The following SUCLG2 variants were observed in gnomAD, a reference collection of about 807,000 sequenced individuals.
SUCLG2 encodes the protein succinate--CoA ligase [GDP-forming] subunit beta, mitochondrial.
A neutral mutation model predicts 47.9 loss-of-function variants in SUCLG2; 42 were observed. That is an observed-to-expected ratio of 0.88 (90% confidence interval 0.69 to 1.14). SUCLG2 has a LOEUF of 1.14. SUCLG2 is among the 50% of genes most tolerant of loss of function. The pLI, the probability that SUCLG2 is intolerant of heterozygous loss-of-function variation, is 0.00. For synonymous variants in SUCLG2, 195 were observed against 197.3 expected (o/e 0.99, Z 0.10); for missense variants, 571 against 525.9 (o/e 1.09, Z -0.84).
intron 2 of SUCLG2, among the ~76,000 whole-genome samples, chr3:67,601,779 C>T (rs926090483): frequency 5.9e-5 from 9 of 151,992 alleles, no homozygotes; most frequent in African/African-American, 1.7e-4. Context: ...GCCAGGAGTT[C>T]GAGACCATCC....
At chr3:67,508,783 T>G in intron 7 of SUCLG2, 24 bp downstream of exon 7, 2 of 1,515,884 alleles carry the variant, frequency 1.3e-6, no homozygotes, top group Non-Finnish European at 1.8e-6. Flanking sequence ...TTCATTTGTT[T>G]TCTCAATTCT....
chr3:67,603,250 T>C (rs6773756), intron 2 of SUCLG2, among the ~76,000 whole-genome samples: 55,006 of 152,112 alleles, frequency 0.36, 10,309 homozygotes, highest in Non-Finnish European at 0.41. Flanking sequence ...TTAAGATCTT[T>C]TTGCAAGATC....
At chr3:67,599,589 G>C (rs1048961654) in intron 2 of SUCLG2, among the ~76,000 whole-genome samples, 11 of 152,066 alleles carry the variant, frequency 7.2e-5, no homozygotes, top group Middle Eastern at 3.4e-3. Context: ...GAAGATTCTG[G>C]GAACAATTTG....
At chr3:67,529,607 C>T (rs1310742890) in intron 2 of SUCLG2, among the ~76,000 whole-genome samples, 6 of 152,048 alleles carry the variant, frequency 3.9e-5, no homozygotes, top group African/African-American at 7.2e-5. Flanking sequence ...CTGGATTATG[C>T]GGGGGAAGGT....
In SUCLG2 at chr3:67,398,177, A is replaced by C. The variant is rs941936075; in HGVS notation, c.1183+2554T>G. On this transcript the variant is annotated intron_variant, in intron 10 of 10. Transcript: ENST00000307227. ...AAGCCAAAATTGACAAATGGGATCT[A>C]ATTAAACTAAAGAGCTTCTGCGCAG... Among the ~76,000 whole-genome samples the C allele has an allele frequency of 1.7e-4, 25 of 150,496 alleles. 1 individual carries two copies. Among genetic ancestry groups the C allele is most frequent in the African/African-American group, 5.4e-4 (22 of 41,018 alleles).
chr3:67,576,405 GA>G (rs910330734), intron 2 of SUCLG2, among the ~76,000 whole-genome samples: 24 of 146,686 alleles, frequency 1.6e-4, no homozygotes, highest in African/African-American at 5.5e-4. Context: ...GTTTTAACAG[GA>G]AAAAAAAAAG....
intron 2 of SUCLG2, among the ~76,000 whole-genome samples, chr3:67,563,943 G>T (rs1423549252): frequency 7.3e-6 from 1 of 136,160 alleles, no homozygotes; most frequent in Non-Finnish European, 1.5e-5. Flanking sequence ...CTGGACAACA[G>T]AGTGAGACTC....
At chr3:67,582,187 G>A (rs1032103129) in intron 2 of SUCLG2, among the ~76,000 whole-genome samples, 5 of 152,070 alleles carry the variant, frequency 3.3e-5, no homozygotes, top group African/African-American at 1.2e-4. Flanking sequence ...TGTCTCAGGG[G>A]TTTGTTATAT....
At position 67,445,792 on chromosome 3, in the gene SUCLG2, TAGAA is replaced by T. The variant is rs1216593011; in HGVS notation, c.1063-44945_1063-44942del. On this transcript the variant is annotated intron_variant, in intron 9 of 10. Transcript: ENST00000307227. ...TCATTTAAAAAAAAAAAAAATGTCATAGAAGGAGGAACTGGTTATTCTCAACTGC... is the reference window on the plus strand; with the variant it reads ...TCATTTAAAAAAAAAAAAAATGTCATGGAGGAACTGGTTATTCTCAACTGC... 3.5e-4 allele frequency among the ~76,000 whole-genome samples: 20 copies of T among 57,428 alleles called. 5 individuals carry two copies. The highest frequency in any genetic ancestry group is 1.4e-3 in the African/African-American group (20 of 14,650). 37.7% of individuals were successfully genotyped at this position (57,428 alleles called of 152,430 possible).
rs746025858 is a variant in SUCLG2, at chr3:67,498,172, A to G, written c.881T>C (p.Leu294Pro). 1.2e-6 allele frequency: 2 copies of G among 1,613,422 alleles called. No individual in the cohort carries two copies. The highest frequency in any genetic ancestry group is 1.7e-6 in the Non-Finnish European group (2 of 1,179,748). The change falls in exon 8 of 11, where the codon CTA becomes CCA. Residue 294 changes from leucine to proline, a missense_variant. Coordinates refer to ENST00000307227, the MANE Select transcript of SUCLG2 (RefSeq NM_003848.4). ...GTTCCCATCTAGTCCTATGTATTTT[A>G]GATCATATTTGGCAGCTTCATTTTC... Reference protein sequence around the residue: ...PIENEAAKYDLKYIGLDGNIA... With the variant: ...PIENEAAKYDPKYIGLDGNIA...
At chr3:67,583,214 G>C (rs74428600) in intron 2 of SUCLG2, among the ~76,000 whole-genome samples, 1,637 of 152,060 alleles carry the variant, frequency 0.011, 28 homozygotes, top group African/African-American at 0.037. Flanking sequence ...CCAGCAGAGG[G>C]CCAAACCTGC....
At chr3:67,559,617 G>A (rs559387860) in intron 2 of SUCLG2, among the ~76,000 whole-genome samples, 2 of 152,030 alleles carry the variant, frequency 1.3e-5, no homozygotes, top group Admixed American at 6.6e-5. Flanking sequence ...ATGAAATATT[G>A]GTGAGGACAG....
intron 2 of SUCLG2, among the ~76,000 whole-genome samples, chr3:67,559,691 T>C (rs1006797449): frequency 6.6e-6 from 1 of 152,218 alleles, no homozygotes; most frequent in Non-Finnish European, 1.5e-5. Context: ...GGTGAAACTT[T>C]GTGAAACTGA....
intron 1 of SUCLG2, among the ~76,000 whole-genome samples, chr3:67,632,012 A>C (rs1700934149): frequency 6.6e-6 from 1 of 152,214 alleles, no homozygotes; most frequent in Admixed American, 6.5e-5. Context: ...TCCCAGGGCT[A>C]ACAGTTCAGT....
At chr3:67,652,173 AAAC>A (rs1701297428) in intron 1 of SUCLG2, among the ~76,000 whole-genome samples, 1 of 142,422 alleles carries the variant, frequency 7.0e-6, no homozygotes, top group Non-Finnish European at 1.6e-5. Context: ...AAAAAAAAAA[AAAC>A]TTCAATGACA....
chr3:67,498,042 A>G, intron 8 of SUCLG2, 92 bp downstream of exon 8: 7 of 1,336,642 alleles, frequency 5.2e-6, no homozygotes, highest in Non-Finnish European at 7.2e-6. Flanking sequence ...TTATGTGCTT[A>G]CTTCTTCTTG....
At chr3:67,462,392 CCACT>C (rs1193399257) in intron 9 of SUCLG2, among the ~76,000 whole-genome samples, 5 of 152,086 alleles carry the variant, frequency 3.3e-5, no homozygotes, top group Admixed American at 3.3e-4. Context: ...CTGGGTGTTC[CCACT>C]CAGTCTACTA....
At chr3:67,395,242 G>C (rs1354714743) in intron 10 of SUCLG2, among the ~76,000 whole-genome samples, 3 of 152,138 alleles carry the variant, frequency 2.0e-5, no homozygotes, top group East Asian at 3.9e-4. Flanking sequence ...TGGATAAAGA[G>C]TCAAGACCCA....
intron 10 of SUCLG2, among the ~76,000 whole-genome samples, chr3:67,399,720 T>TAA (rs946431861): frequency 2.6e-5 from 4 of 152,188 alleles, no homozygotes; most frequent in Admixed American, 2.0e-4. Flanking sequence ...CATGCATGGA[T>TAA]AAAACTCCCT....
Sources: gnomAD v4.1 joint callset for allele counts (sites outside exome capture counted in the v4.1 genomes callset) on GRCh38, gnomAD v4.1.1 for gene constraint, MANE v1.5 for transcripts, NCBI Gene and HGNC (gene_info 2026-07-23, HGNC 2026-07-21) for gene names.